SLC8A1: variants seen among roughly 807,000 people sequenced by gnomAD.
SLC8A1 encodes solute carrier family 8 member A1.
In SLC8A1, 18 loss-of-function variants were observed where a neutral mutation model predicts 68.3. The ratio of observed to expected loss-of-function variants is 0.26; its 90% CI spans 0.18 to 0.39. The LOEUF is 0.39. SLC8A1 is among the 10% of genes least tolerant of loss of function. SLC8A1 has a pLI of 1.00. For missense variants in SLC8A1, 985 were observed against 1,156.7 expected, an observed-to-expected ratio of 0.85 and a Z score of 2.15; for synonymous variants, 475 against 415.5, an observed-to-expected ratio of 1.14 and a Z score of -1.74.
intron 2 of SLC8A1, among the ~76,000 whole-genome samples, chr2:40,259,635 C>A (rs937640449): frequency 1.3e-5 from 2 of 152,128 alleles, no homozygotes; most frequent in African/African-American, 2.4e-5. Flanking sequence ...GCCCTGCTAA[C>A]CCCATCTCAA....
At chr2:40,317,358 T>A (rs2074600976) in intron 2 of SLC8A1, among the ~76,000 whole-genome samples, 1 of 152,070 alleles carries the variant, frequency 6.6e-6, no homozygotes. Context: ...TTTTTCTGAA[T>A]TAGGGAAAAT....
At chr2:40,274,614 C>T (rs755534048) in intron 2 of SLC8A1, among the ~76,000 whole-genome samples, 1 of 152,130 alleles carries the variant, frequency 6.6e-6, no homozygotes, top group African/African-American at 2.4e-5. Context: ...AACAGGCTTC[C>T]GTTTTTACTG....
intron 2 of SLC8A1, among the ~76,000 whole-genome samples, chr2:40,245,263 G>A (rs1015903324): frequency 1.2e-4 from 18 of 152,182 alleles, no homozygotes; most frequent in African/African-American, 9.6e-5. Flanking sequence ...GTGAAACTCA[G>A]CTCTTTAGTT....
intron 2 of SLC8A1, among the ~76,000 whole-genome samples, chr2:40,361,887 C>CATTTTTTTTTTTTTT (rs1674732734): frequency 1.9e-5 from 1 of 53,104 alleles, no homozygotes; most frequent in African/African-American, 8.9e-5. Flanking sequence ...CTTTTCTTTC[C>CATTTTTTTTTTTTTT]TTTTTTTTTT....
chr2:40,308,072 T>C (rs1331976770), intron 2 of SLC8A1, among the ~76,000 whole-genome samples: 1 of 152,198 alleles, frequency 6.6e-6, no homozygotes, highest in African/African-American at 2.4e-5. Context: ...CAAGCAAGTT[T>C]TGTTTCTCAA....
upstream of SLC8A1, among the ~76,000 whole-genome samples, chr2:40,452,767 G>A (rs767297925): frequency 6.6e-6 from 1 of 150,582 alleles, no homozygotes; most frequent in Non-Finnish European, 1.5e-5. Context: ...GATATTCGGG[G>A]GAGGGTGTCC....
At chr2:40,133,197 T>G (rs2039741217) in intron 7 of SLC8A1, among the ~76,000 whole-genome samples, 1 of 152,176 alleles carries the variant, frequency 6.6e-6, no homozygotes, top group Admixed American at 6.5e-5. Context: ...CTAAAGCTCT[T>G]GTCCCTCTAC....
At chr2:40,286,980 G>A (rs142792050) in intron 2 of SLC8A1, among the ~76,000 whole-genome samples, 1 of 152,278 alleles carries the variant, frequency 6.6e-6, no homozygotes, top group Non-Finnish European at 1.5e-5. Flanking sequence ...CATGGAGTTA[G>A]GCTTTAAGAA....
At chr2:40,170,303 G>C in intron 4 of SLC8A1, 5 of 1,614,116 alleles carry the variant, frequency 3.1e-6, no homozygotes, top group African/African-American at 1.3e-5. Flanking sequence ...TTACAGTAGA[G>C]AGAATCGGAT....
rs540501149 is a variant in SLC8A1 at position 40,120,986 on chromosome 2, TC to T, written c.2438-5358del. On this transcript the variant is annotated intron_variant, in intron 7 of 7. Transcript: ENST00000406785. Reference sequence around the variant, plus strand: ...GTTTGGGGCTTCACCCCCAAGCTTGTCCAGCCTGCCTTATTTTGTTGTTGTT... The same window carrying T: ...GTTTGGGGCTTCACCCCCAAGCTTGTCAGCCTGCCTTATTTTGTTGTTGTT... Among the ~76,000 whole-genome samples, 566 of 152,340 alleles carry T rather than the reference TC, an allele frequency of 3.7e-3. 3 individuals are homozygous for T. The highest frequency in any genetic ancestry group is 6.0e-3 in the Non-Finnish European group (408 of 68,020).
At chr2:40,188,843 T>A (rs1271570493) in intron 2 of SLC8A1, among the ~76,000 whole-genome samples, 1 of 152,260 alleles carries the variant, frequency 6.6e-6, no homozygotes, top group Admixed American at 6.5e-5. Flanking sequence ...AATCTCTGTC[T>A]GCATGTACTC....
At chr2:40,187,429 T>A (rs2050901265) in intron 2 of SLC8A1, among the ~76,000 whole-genome samples, 1 of 151,982 alleles carries the variant, frequency 6.6e-6, no homozygotes, top group Admixed American at 6.6e-5. Context: ...AAATGGTTAT[T>A]GAAATCATTG....
intron 2 of SLC8A1, among the ~76,000 whole-genome samples, chr2:40,181,113 C>T (rs1222111876): frequency 6.6e-6 from 1 of 152,158 alleles, no homozygotes; most frequent in Non-Finnish European, 1.5e-5. Flanking sequence ...ATGCCCATCA[C>T]CATGCCCAGC....
intron 6 of SLC8A1, among the ~76,000 whole-genome samples, chr2:40,157,614 C>G (rs1392938245): frequency 1.3e-5 from 2 of 152,194 alleles, no homozygotes; most frequent in Non-Finnish European, 2.9e-5. Context: ...AGTCGACTCA[C>G]CATTCTGCCC....
chr2:40,110,450 T>C (rs937724008), exon 8 of SLC8A1: 2 of 152,196 alleles, frequency 1.3e-5, no homozygotes, highest in African/African-American at 4.8e-5. Context: ...CTGAACAAAA[T>C]CTAAGGAATC....
At chr2:40,485,221 A>G (rs17474973) in intron 1 of SLC8A1, among the ~76,000 whole-genome samples, 9,929 of 152,172 alleles carry the variant, frequency 0.065, 468 homozygotes, top group Non-Finnish European at 0.098. Flanking sequence ...GGGTTTAACT[A>G]TATATCAAAT....
At chr2:40,340,112 CTTTCT>C (rs1301198361) in intron 2 of SLC8A1, among the ~76,000 whole-genome samples, 1 of 152,174 alleles carries the variant, frequency 6.6e-6, no homozygotes, top group African/African-American at 2.4e-5. Context: ...AAATTTGACT[CTTTCT>C]TTTAAGTCAA....
At chr2:40,219,201 G>A (rs1406004346) in intron 2 of SLC8A1, among the ~76,000 whole-genome samples, 2 of 152,208 alleles carry the variant, frequency 1.3e-5, no homozygotes, top group African/African-American at 4.8e-5. Flanking sequence ...TTAGAGGTGT[G>A]TGTTCATAGA....
chr2:40,137,011 A>C (rs911405656), intron 7 of SLC8A1, among the ~76,000 whole-genome samples: 1 of 152,118 alleles, frequency 6.6e-6, no homozygotes, highest in Non-Finnish European at 1.5e-5. Flanking sequence ...ACAACAAATG[A>C]TTCTGTTGTA....
Sources: gnomAD v4.1 joint callset for allele counts (sites outside exome capture counted in the v4.1 genomes callset) on GRCh38, gnomAD v4.1.1 for gene constraint, MANE v1.5 for transcripts, NCBI Gene and HGNC (gene_info 2026-07-23, HGNC 2026-07-21) for gene names.